GLIS3: variants seen among roughly 807,000 people sequenced by gnomAD.
GLIS3 encodes GLIS family zinc finger 3.
A neutral mutation model predicts 78.6 loss-of-function variants in GLIS3; 53 were observed. That is an observed-to-expected ratio of 0.67 (90% CI 0.54 to 0.85). GLIS3 has a LOEUF of 0.85. Among genes scored for constraint, GLIS3 ranks in the 40% least tolerant of loss-of-function variants. GLIS3 has a pLI of 0.00. For synonymous variants in GLIS3, 684 were observed against 509.9 expected, an observed-to-expected ratio of 1.34 and a Z score of -4.60; for missense variants, 1,703 against 1,231.1, an observed-to-expected ratio of 1.38 and a Z score of -5.74.
the GLIS3 span, among the ~76,000 whole-genome samples, chr9:4,359,258 G>A: frequency 1.3e-5 from 2 of 151,644 alleles, no homozygotes; most frequent in African/African-American, 4.8e-5. Context: ...CCTGCTTCCT[G>A]GCTCCATTGC....
chr9:4,019,805 T>A (rs1822730264), intron 4 of GLIS3, among the ~76,000 whole-genome samples: 1 of 152,178 alleles, frequency 6.6e-6, no homozygotes, highest in South Asian at 2.1e-4. Flanking sequence ...CAATCACAGC[T>A]CACTGTAACC....
At chr9:4,073,339 T>G (rs1051804982) in intron 4 of GLIS3, among the ~76,000 whole-genome samples, 3 of 152,158 alleles carry the variant, frequency 2.0e-5, no homozygotes, top group African/African-American at 7.2e-5. Context: ...TGCTGTATCT[T>G]CCAATCACCA....
At chr9:4,260,475 G>A (rs551806379) in intron 2 of GLIS3, among the ~76,000 whole-genome samples, 2 of 151,594 alleles carry the variant, frequency 1.3e-5, no homozygotes, top group South Asian at 2.1e-4. Context: ...GCTGAGGCAG[G>A]AGAATTGCTT....
At chr9:4,245,297 G>C (rs1004403413) in intron 2 of GLIS3, among the ~76,000 whole-genome samples, 7 of 152,180 alleles carry the variant, frequency 4.6e-5, no homozygotes, top group Non-Finnish European at 1.0e-4. Flanking sequence ...ACAGCCCTCA[G>C]CATTCCACAC....
At chr9:4,381,885 C>T in the GLIS3 span, among the ~76,000 whole-genome samples, 1 of 152,166 alleles carries the variant, frequency 6.6e-6, no homozygotes, top group African/African-American at 2.4e-5. Flanking sequence ...CCTTCAGTGA[C>T]CCAAGGTTCT....
chr9:4,399,945 G>A, the GLIS3 span, among the ~76,000 whole-genome samples: 20 of 152,292 alleles, frequency 1.3e-4, no homozygotes, highest in African/African-American at 4.6e-4. Flanking sequence ...TTTCAATACA[G>A]CATGGTTGGA....
At chr9:3,904,575 C>G (rs1014944903) in intron 6 of GLIS3, among the ~76,000 whole-genome samples, 1 of 152,140 alleles carries the variant, frequency 6.6e-6, no homozygotes, top group African/African-American at 2.4e-5. Flanking sequence ...AAACCACTAC[C>G]ATATGACCGT....
intron 2 of GLIS3, among the ~76,000 whole-genome samples, chr9:4,182,171 C>A (rs1817388844): frequency 6.6e-6 from 1 of 152,084 alleles, no homozygotes; most frequent in South Asian, 2.1e-4. Flanking sequence ...CGTTATTGTT[C>A]ATTTTGATCT....
intron 4 of GLIS3, among the ~76,000 whole-genome samples, chr9:3,971,051 G>A (rs1042306913): frequency 3.9e-4 from 13 of 33,526 alleles, no homozygotes; most frequent in African/African-American, 1.5e-3. Context: ...AGGAAGGATC[G>A]AAGGAAGGAA....
the GLIS3 span, among the ~76,000 whole-genome samples, chr9:4,460,184 A>G: frequency 1.3e-5 from 2 of 152,136 alleles, no homozygotes; most frequent in Non-Finnish European, 2.9e-5. Context: ...GCTGTCATGG[A>G]AGACCATGGG....
chr9:4,481,471 C>A, the GLIS3 span, among the ~76,000 whole-genome samples: 1 of 149,988 alleles, frequency 6.7e-6, no homozygotes, highest in African/African-American at 2.5e-5. Flanking sequence ...CAGAGCAAGA[C>A]CCCATCAAAA....
chr9:4,485,604 C>T, the GLIS3 span, among the ~76,000 whole-genome samples: 1 of 152,206 alleles, frequency 6.6e-6, no homozygotes, highest in African/African-American at 2.4e-5. Flanking sequence ...ATTAATTAAG[C>T]TCCATCTTTA....
the GLIS3 span, among the ~76,000 whole-genome samples, chr9:4,488,107 T>TGTTGGTTGGTTG: frequency 6.6e-6 from 1 of 151,566 alleles, no homozygotes; most frequent in African/African-American, 2.4e-5. Context: ...TTCGTCTGTT[T>TGTTGGTTGGTTG]GTTGGTTGGT....
Position 4,056,025 on chromosome 9 carries a change from C to A in GLIS3, c.1710+61743G>T, listed in dbSNP as rs73390472. 7.4e-3 allele frequency among the ~76,000 whole-genome samples: 1,121 copies of A among 152,254 alleles called. 12 individuals carry two copies. Among genetic ancestry groups the A allele is most frequent in the African/African-American group, 0.023 (935 of 41,528 alleles). ...GTGAAGGACTGATAGGATGATCATG[C>A]GCAATTAATACTAGGCCCTGTTTAG... On this transcript the variant is annotated intron_variant, in intron 4 of 10. Transcript: ENST00000381971.
upstream of GLIS3, among the ~76,000 whole-genome samples, chr9:4,348,636 G>A (rs868611810): frequency 6.6e-6 from 1 of 152,094 alleles, no homozygotes; most frequent in African/African-American, 2.4e-5. Flanking sequence ...AGGTGGGAAC[G>A]AAATTTGAGG....
At chr9:4,039,007 CACA>C (rs1824568421) in intron 4 of GLIS3, among the ~76,000 whole-genome samples, 1 of 152,092 alleles carries the variant, frequency 6.6e-6, no homozygotes, top group Non-Finnish European at 1.5e-5. Flanking sequence ...AGCAGCTTGC[CACA>C]ACAATAGGAA....
intron 4 of GLIS3, among the ~76,000 whole-genome samples, chr9:3,965,854 C>T (rs186540980): frequency 7.9e-4 from 120 of 152,290 alleles, no homozygotes; most frequent in Middle Eastern, 3.4e-3. Flanking sequence ...ATGGAGAAAA[C>T]AAAAGGTAAC....
intron 2 of GLIS3, among the ~76,000 whole-genome samples, chr9:4,146,640 G>A (rs1449423168): frequency 6.6e-6 from 1 of 152,136 alleles, no homozygotes; most frequent in Non-Finnish European, 1.5e-5. Context: ...TTTTAAATTA[G>A]CAACTGCAGT....
Position 3,917,759 on chromosome 9 carries a change from T to G in GLIS3, c.1983+14601A>C, listed in dbSNP as rs530879830. On this transcript the variant is annotated intron_variant, in intron 6 of 10. Transcript: ENST00000381971. ...ACTTCTTTCAACCCCATATTCCTAT[T>G]GAAACCACCGTTCCTGTATAGTAGC... Among the ~76,000 whole-genome samples the G allele has an allele frequency of 2.6e-5, 4 of 152,280 alleles. No homozygotes were observed. In the East Asian group the frequency reaches 7.7e-4, roughly 29 times the overall value.
Sources: allele counts gnomAD v4.1 joint callset (sites outside exome capture counted in the v4.1 genomes callset), GRCh38; gene constraint gnomAD v4.1.1; transcripts MANE v1.5; gene names NCBI Gene and HGNC (gene_info 2026-07-23, HGNC 2026-07-21).